Variants in SLC22A11 observed in about 807,000 individuals in gnomAD.
SLC22A11 encodes organic anion transporter 4.
A neutral mutation model predicts 49.4 loss-of-function variants in SLC22A11; 42 were observed. The observed-to-expected ratio is 0.85, with a 90% CI of 0.66 to 1.10. SLC22A11 has a LOEUF of 1.10. Among genes scored for constraint, SLC22A11 ranks in the 50% least tolerant of loss-of-function variants. SLC22A11 has a pLI of 0.00. For missense variants in SLC22A11, 685 were observed against 731.6 expected (o/e 0.94, Z 0.74); for synonymous variants, 304 against 315.8 (o/e 0.96, Z 0.40).
chr11:64,567,531 G>C (rs2038641624), intron 6 of SLC22A11, 68 bp from the exon 7 acceptor site: 1 of 1,452,108 alleles, frequency 6.9e-7, no homozygotes, highest in Non-Finnish European at 9.6e-7. Context: ...CCTGGTGGGA[G>C]GTGCTGTTGC....
At position 64,567,744 on chromosome 11, in the gene SLC22A11, C is replaced by A; in HGVS notation, c.1204C>A (p.Arg402Ser). 6.2e-7 allele frequency: 1 copy of A among 1,613,232 alleles called. No individual in the cohort carries two copies. Among genetic ancestry groups the A allele is most frequent in the Non-Finnish European group, 8.5e-7 (1 of 1,179,920 alleles). Residue 402 changes from arginine to serine, a missense_variant, in exon 7 of 10, where the codon CGC becomes AGC. Transcript: ENST00000301891. The stretch of plus-strand genomic sequence containing the variant: ...CCTCTTGCTCAGTTTCCTTGGCCGC[C>A]GCACCATCCAGGCGGGTTCCCAGGC... ...TALLLSFLGR[R>S]TIQAGSQAMA...
Position 64,562,097 on chromosome 11 carries a change from C to A in SLC22A11, c.591C>A (p.Cys197Ter). The change falls in exon 3 of 10, where the codon TGC becomes TGA. Residue 197 changes from cysteine to a stop codon, truncating the protein, a stop_gained. Transcript: ENST00000301891. LOFTEE classifies it high-confidence loss of function. This position sits in a 1 kb window ranked among gnomAD's most constrained non-coding sequence, Gnocchi z 4.4. ...TCGCCCCAACATTCGTCATCTACTG[C>A]GGCCTGCGGTTCGTGGCCGCTTTTG... is the stretch of plus-strand genomic sequence containing the variant. The part of the protein sequence containing the change: ...TIFAPTFVIY[C>*]GLRFVAAFGM... The A allele has an allele frequency of 1.2e-6, 2 of 1,613,912 alleles. No homozygotes were observed. The highest frequency in any genetic ancestry group is 1.7e-6 in the Non-Finnish European group (2 of 1,180,024).
chr11:64,568,890 G>A, intron 8 of SLC22A11, 112 bp downstream of exon 8: 1 of 891,152 alleles, frequency 1.1e-6, no homozygotes, highest in Non-Finnish European at 1.8e-6. Flanking sequence ...GCCGCTCAGG[G>A]TCCCCCCCAG....
At chr11:64,568,384 C>A (rs1328744194) in intron 7 of SLC22A11, among the ~76,000 whole-genome samples, 1 of 152,190 alleles carries the variant, frequency 6.6e-6, no homozygotes, top group Non-Finnish European at 1.5e-5. Flanking sequence ...ACCCTAGGAG[C>A]CGCGGTGGGG....
rs531176679 is a variant in SLC22A11, at chr11:64,564,848, C to G, written c.943-374C>G. On this transcript the variant is annotated intron_variant, in intron 5 of 9. Coordinates refer to ENST00000301891, the MANE Select transcript of SLC22A11 (RefSeq NM_018484.4). This position sits in a 1 kb window ranked among gnomAD's most constrained non-coding sequence, Gnocchi z 4.2. ...CCACCACCTCCACCTGCATGTAGCA[C>G]GCACCCACCTCATGGGGGTTCTCGA... Among the ~76,000 whole-genome samples, 5 of 152,330 alleles carry G rather than the reference C, an allele frequency of 3.3e-5. No individual in the cohort carries two copies. In the South Asian group the frequency reaches 1.0e-3, roughly 32 times the overall value.
intron 1 of SLC22A11, among the ~76,000 whole-genome samples, chr11:64,557,446 C>T (rs1250793125): frequency 2.0e-5 from 3 of 151,978 alleles, no homozygotes; most frequent in Non-Finnish European, 2.9e-5. Flanking sequence ...ACATTGACAT[C>T]GAGGCTGGGA....
intron 8 of SLC22A11, 49 bp from the exon 9 acceptor site, chr11:64,569,603 C>A (rs774315981): frequency 2.5e-5 from 39 of 1,566,630 alleles, no homozygotes; most frequent in Admixed American, 1.5e-4. Context: ...TGTCTTCCTG[C>A]CACAGGGCCA....
intron 2 of SLC22A11, among the ~76,000 whole-genome samples, chr11:64,559,738 G>T (rs183264242): frequency 3.0e-4 from 46 of 152,304 alleles, no homozygotes; most frequent in African/African-American, 1.1e-3. Context: ...CTCTTCCCCA[G>T]CTTGGAGCCA....
At chr11:64,558,438 C>T (rs1374248010) in intron 1 of SLC22A11, among the ~76,000 whole-genome samples, 1 of 152,164 alleles carries the variant, frequency 6.6e-6, no homozygotes, top group Non-Finnish European at 1.5e-5. Context: ...AGCTGCCGGG[C>T]CTCAGTGGAG....
In SLC22A11 at chr11:64,564,931, G is replaced by T. The variant is rs767292967; in HGVS notation, c.943-291G>T. On this transcript the variant is annotated intron_variant, in intron 5 of 9. Coordinates refer to ENST00000301891, the MANE Select transcript of SLC22A11 (RefSeq NM_018484.4). The surrounding 1 kb of genome is among the most constrained non-coding windows in gnomAD (Gnocchi z 4.2). Reference sequence around the variant, plus strand: ...AGGTAGCTGCTTTCAGGAAACAGGCGCTGCCAGAGATTAGAGTGAAGATGG... The same window carrying T: ...AGGTAGCTGCTTTCAGGAAACAGGCTCTGCCAGAGATTAGAGTGAAGATGG... 6.6e-6 allele frequency among the ~76,000 whole-genome samples: 1 copy of T among 152,342 alleles called. No individual in the cohort carries two copies. The highest frequency in any genetic ancestry group is 2.4e-5 in the African/African-American group (1 of 41,564).
intron 1 of SLC22A11, among the ~76,000 whole-genome samples, chr11:64,557,508 T>G (rs2038478825): frequency 1.3e-5 from 2 of 152,056 alleles, no homozygotes; most frequent in Non-Finnish European, 2.9e-5. Context: ...GCAAAGGTCA[T>G]GCATAGAAGT....
Position 64,556,373 on chromosome 11 carries a change from C to A in SLC22A11, c.374C>A (p.Thr125Asn), listed in dbSNP as rs749388697. Reference protein sequence around the residue: ...DGWVYDRSVFTSTIVAKWDLV... With the variant: ...DGWVYDRSVFNSTIVAKWDLV... ...TGGGTCTATGACCGCAGCGTCTTCA[C>A]CTCCACCATCGTGGCCAAGGTAGGG... is the stretch of plus-strand genomic sequence containing the variant. The change falls in exon 1 of 10, where the codon ACC becomes AAC. Residue 125 changes from threonine (T) to asparagine (N), a missense_variant. Thr to Asn is a moderately conservative substitution (Grantham distance 65). Coordinates refer to ENST00000301891, the MANE Select transcript of SLC22A11 (RefSeq NM_018484.4). 7 of 1,611,474 alleles carry A rather than the reference C, an allele frequency of 4.3e-6. No homozygotes were observed. Among genetic ancestry groups the A allele is most frequent in the Admixed American group, 1.7e-5 (1 of 60,004 alleles).
chr11:64,569,695 G>A lies in SLC22A11; in HGVS notation c.1426G>A (p.Ala476Thr), dbSNP rs999637848. The A allele has an allele frequency of 3.1e-6, 5 of 1,614,018 alleles. No homozygotes were observed. The African/African-American group carries it at 5.3e-5, about 17-fold the overall frequency. The stretch of plus-strand genomic sequence containing the variant: ...TCTGCATACAGTGGGCCGGCTGGGG[G>A]CTATGATGGGTCCCCTGATCCTGAT... The part of the protein sequence containing the change: ...GILHTVGRLG[A>T]MMGPLILMSR... The change falls in exon 9 of 10, where the codon GCT becomes ACT. Residue 476 changes from alanine (A) to threonine (T), a missense_variant. By Grantham distance (58) the Ala-to-Thr change is moderately conservative. Transcript: ENST00000301891.
rs2038603696 is a variant in SLC22A11 at position 64,565,047 on chromosome 11, G to A, written c.943-175G>A. Reference sequence around the variant, plus strand: ...CAAACCTGCAGAAGAGCCAGGGCCTGGAGAGAACCTTTTCTGCCCCATCCC... The same window carrying A: ...CAAACCTGCAGAAGAGCCAGGGCCTAGAGAGAACCTTTTCTGCCCCATCCC... On this transcript the variant is annotated intron_variant, in intron 5 of 9. Coordinates refer to ENST00000301891, the MANE Select transcript of SLC22A11 (RefSeq NM_018484.4). This position sits in a 1 kb window ranked among gnomAD's most constrained non-coding sequence, Gnocchi z 4.1. 6.6e-6 allele frequency among the ~76,000 whole-genome samples: 1 copy of A among 152,152 alleles called. No individual in the cohort carries two copies. The highest frequency in any genetic ancestry group is 2.4e-5 in the African/African-American group (1 of 41,452).
Position 64,564,419 on chromosome 11 carries a change from G to T in SLC22A11, c.933G>T (p.Leu311=). Residue 311 remains leucine, a synonymous_variant, in exon 5 of 10, where the codon CTG becomes CTT. Transcript: ENST00000301891. This position sits in a 1 kb window ranked among gnomAD's most constrained non-coding sequence, Gnocchi z 4.2. The stretch of plus-strand genomic sequence containing the variant: ...ATGGCCACAAGGAGGCCAAGAACCT[G>T]ACCATAGAGGTGAGATGCTGCTGTC... ...RINGHKEAKN[L]TIEVLMSSVK... 2 of 1,614,050 alleles carry T rather than the reference G, an allele frequency of 1.2e-6. No homozygotes were observed. Among genetic ancestry groups the T allele is most frequent in the South Asian group, 2.2e-5 (2 of 91,048 alleles).
chr11:64,559,224 C>A lies in SLC22A11; in HGVS notation c.483C>A (p.Gly161=), dbSNP rs72559737. The A allele has an allele frequency of 4.8e-3, 7,750 of 1,606,532 alleles. 142 individuals carry two copies. The Admixed American group carries it at 0.054, about 11-fold the overall frequency. ...TCCTGGTGGGCTCCTTTATCTGGGG[C>A]CTCCTCTCCTACCGGTGAGTGCCTC... ...SGILVGSFIW[G]LLSYRFGRKP... Residue 161 remains glycine, a synonymous_variant, in exon 2 of 10, where the codon GGC becomes GGA. Transcript: ENST00000301891.
In SLC22A11 at chr11:64,565,866, G is replaced by A; in HGVS notation, c.1058+529G>A. 4.1e-6 allele frequency: 1 copy of A among 242,636 alleles called. No homozygotes were observed. Among genetic ancestry groups the A allele is most frequent in the Admixed American group, 4.7e-5 (1 of 21,348 alleles). 15.0% of individuals were successfully genotyped at this position (242,636 alleles called of 1,614,324 possible). A position where few individuals can be genotyped will look rare whatever the true frequency, so the allele number is the denominator to read the frequency against. On this transcript the variant is annotated intron_variant, in intron 6 of 9. Transcript: ENST00000301891. The surrounding 1 kb of genome is among the most constrained non-coding windows in gnomAD (Gnocchi z 4.1). ...TGGAACCGGGCTGAGCTAACACTTGGCTTACCGGCACTGTCACTGCCAGGG... is the reference window on the plus strand; with the variant it reads ...TGGAACCGGGCTGAGCTAACACTTGACTTACCGGCACTGTCACTGCCAGGG...
Position 64,565,303 on chromosome 11 carries a change from C to A in SLC22A11, c.1024C>A (p.Leu342Ile). 1 of 1,550,764 alleles carries A rather than the reference C, an allele frequency of 6.4e-7. No individual in the cohort carries two copies. The change falls in exon 6 of 10, where the codon CTC (leucine) becomes ATC (isoleucine). Residue 342 changes from leucine (L) to isoleucine (I), a missense_variant. Coordinates refer to ENST00000301891, the MANE Select transcript of SLC22A11 (RefSeq NM_018484.4). This position sits in a 1 kb window ranked among gnomAD's most constrained non-coding sequence, Gnocchi z 4.1. ...GCTGGACCTGTTCTGCGTGCCCGTG[C>A]TCCGCTGGAGGAGCTGCGCCATGCT... is the stretch of plus-strand genomic sequence containing the variant. ...SVLDLFCVPV[L>I]RWRSCAMLVV...
chr11:64,555,983 C>A lies in SLC22A11; in HGVS notation c.-17C>A. On this transcript the variant is annotated 5_prime_UTR_variant, in exon 1 of 10. Transcript: ENST00000301891. Reference sequence around the variant, plus strand: ...GCAGTTAGGTCAGCAGTCCGCTCAGCCGAGGCAGCTCTGTTCATGGCGTTC... The same window carrying A: ...GCAGTTAGGTCAGCAGTCCGCTCAGACGAGGCAGCTCTGTTCATGGCGTTC... The A allele has an allele frequency of 3.8e-6, 6 of 1,584,708 alleles. No homozygotes were observed. Among genetic ancestry groups the A allele is most frequent in the Non-Finnish European group, 5.1e-6 (6 of 1,167,356 alleles).
Sources: allele counts gnomAD v4.1 joint callset (sites outside exome capture counted in the v4.1 genomes callset), GRCh38; gene constraint gnomAD v4.1.1; non-coding constraint Gnocchi (gnomAD v3.1); transcripts MANE v1.5; gene names NCBI Gene and HGNC (gene_info 2026-07-23, HGNC 2026-07-21).